Variants in TNFRSF11A observed in about 807,000 individuals in gnomAD.
TNFRSF11A encodes TNF receptor superfamily member 11a.
TNFRSF11A carries 32 observed loss-of-function variants against 55.7 expected under a neutral mutation model. The observed-to-expected ratio is 0.57, with a 90% CI of 0.43 to 0.77. The LOEUF (loss-of-function observed/expected upper bound fraction) is 0.77. Among genes scored for constraint, TNFRSF11A ranks in the 30% least tolerant of loss-of-function variants. The pLI is 0.00. For missense variants in TNFRSF11A, 753 were observed against 809.8 expected (o/e 0.93, Z 0.85); for synonymous variants, 311 against 331.0 (o/e 0.94, Z 0.65).
intron 9 of TNFRSF11A, among the ~76,000 whole-genome samples, chr18:62,378,487 G>A (rs1911048099): frequency 6.6e-6 from 1 of 152,186 alleles, no homozygotes; most frequent in Admixed American, 6.5e-5. Flanking sequence ...AGACAGGGAT[G>A]GAAAGATAAT....
chr18:62,357,511 T>C (rs1264094994), intron 4 of TNFRSF11A, among the ~76,000 whole-genome samples: 1 of 152,262 alleles, frequency 6.6e-6, no homozygotes. Context: ...AAAGTTTTAT[T>C]GGAACACACC....
intron 9 of TNFRSF11A, among the ~76,000 whole-genome samples, chr18:62,376,428 C>G (rs1472723033): frequency 6.6e-6 from 1 of 151,996 alleles, no homozygotes; most frequent in Non-Finnish European, 1.5e-5. Flanking sequence ...CTAACAATGC[C>G]TATAAAAAAC....
At chr18:62,378,573 A>G (rs972473664) in intron 9 of TNFRSF11A, among the ~76,000 whole-genome samples, 3 of 152,170 alleles carry the variant, frequency 2.0e-5, no homozygotes, top group African/African-American at 4.8e-5. Context: ...TTCTGGGAGG[A>G]GGAATGCCAC....
intron 4 of TNFRSF11A, among the ~76,000 whole-genome samples, chr18:62,356,344 A>C (rs1311584487): frequency 6.6e-6 from 1 of 152,214 alleles, no homozygotes; most frequent in Non-Finnish European, 1.5e-5. Context: ...TTTCTCTTAC[A>C]AAAAGTCTGA....
In TNFRSF11A at chr18:62,375,077, G is replaced by A. The variant is rs1055804154; in HGVS notation, c.1567+5593G>A. ...GTACCACCACACCCTGCTAATTTTT[G>A]TGTGTGTGTTTTTTTTTTTTTAGAG... On this transcript the variant is annotated intron_variant, in intron 9 of 9. Transcript: ENST00000586569. Among the ~76,000 whole-genome samples, 13 of 61,538 alleles carry A rather than the reference G, an allele frequency of 2.1e-4. 1 individual carries two copies. Among genetic ancestry groups the A allele is most frequent in the African/African-American group, 6.0e-4 (13 of 21,720 alleles). 40.4% of individuals were successfully genotyped at this position (61,538 alleles called of 152,430 possible). A position where few individuals can be genotyped will look rare whatever the true frequency, so the allele number is the denominator to read the frequency against.
intron 3 of TNFRSF11A, among the ~76,000 whole-genome samples, chr18:62,353,357 C>T (rs747170354): frequency 6.6e-6 from 1 of 152,198 alleles, no homozygotes. Flanking sequence ...CTCTGTAAGG[C>T]ACACCACAGT....
Position 62,383,241 on chromosome 18 carries a change from C to G in TNFRSF11A, c.1568-1510C>G, listed in dbSNP as rs1911423186. ...CAGGACTTTGGATTTGTTGCTCATACTTGAAATCCTTGTGTCTTCATGGGC... is the reference window on the plus strand; with the variant it reads ...CAGGACTTTGGATTTGTTGCTCATAGTTGAAATCCTTGTGTCTTCATGGGC... On this transcript the variant is annotated intron_variant, in intron 9 of 9. Transcript: ENST00000586569. This position sits in a 1 kb window ranked among gnomAD's most constrained non-coding sequence, Gnocchi z 4.2. Among the ~76,000 whole-genome samples the G allele has an allele frequency of 6.6e-6, 1 of 152,198 alleles. No homozygotes were observed. Among genetic ancestry groups the G allele is most frequent in the Non-Finnish European group, 1.5e-5 (1 of 68,036 alleles).
rs770138118 is a variant in TNFRSF11A, at chr18:62,369,017, G to A, written c.1100G>A (p.Gly367Glu). 7.4e-6 allele frequency: 12 copies of A among 1,614,106 alleles called. No individual in the cohort carries two copies. Among genetic ancestry groups the A allele is most frequent in the East Asian group, 4.5e-5 (2 of 44,904 alleles). ...TDQLLFLTEP[G>E]SKSTPPFSEP... is the part of the protein sequence containing the mutation. ...CAGTTACTGTTCCTCACTGAGCCTG[G>A]AAGCAAATCCACACCTCCTTTCTCT... Residue 367 changes from glycine to glutamate, a missense_variant, in exon 9 of 10, where the codon GGA (glycine) becomes GAA (glutamate). By Grantham distance (98) the Gly-to-Glu change is moderately conservative (BLOSUM62 -2). Coordinates refer to ENST00000586569, the MANE Select transcript of TNFRSF11A (RefSeq NM_003839.4).
intron 8 of TNFRSF11A, 146 bp from the exon 9 acceptor site, chr18:62,368,554 TA>T: frequency 2.4e-6 from 2 of 821,954 alleles, no homozygotes; most frequent in Non-Finnish European, 4.0e-6. Context: ...TAATTTGAAA[TA>T]ACACAAAGTT....
chr18:62,329,477 A>T (rs1394085745), intron 1 of TNFRSF11A, among the ~76,000 whole-genome samples: 1 of 152,036 alleles, frequency 6.6e-6, no homozygotes, highest in African/African-American at 2.4e-5. Flanking sequence ...CTCTGCCCGG[A>T]TTGTGGGACG....
chr18:62,359,255 T>A (rs1441226632), intron 5 of TNFRSF11A, among the ~76,000 whole-genome samples: 2 of 152,126 alleles, frequency 1.3e-5, no homozygotes, highest in Non-Finnish European at 1.5e-5. Flanking sequence ...TTAAAATACA[T>A]AAATAAATGT....
intron 2 of TNFRSF11A, 79 bp downstream of exon 2, chr18:62,348,328 G>T: frequency 7.6e-7 from 1 of 1,322,348 alleles, no homozygotes; most frequent in South Asian, 1.2e-5. Context: ...TCTGCCAGAT[G>T]AAAAAAAGAA....
In TNFRSF11A at chr18:62,384,738, C is replaced by T; in HGVS notation, c.1568-13C>T. 1 of 1,610,420 alleles carries T rather than the reference C, an allele frequency of 6.2e-7. No homozygotes were observed. The highest frequency in any genetic ancestry group is 8.5e-7 in the Non-Finnish European group (1 of 1,178,338). On this transcript the variant is annotated splice_polypyrimidine_tract_variant and intron_variant, in intron 9 of 9. Transcript: ENST00000586569. ...ACTCACCCTCCCCGTGTTCTCCCTT[C>T]CTCTCCCCGCAGGAAATGTGACTGG...
At chr18:62,333,338 T>C (rs1310805679) in intron 1 of TNFRSF11A, among the ~76,000 whole-genome samples, 1 of 152,096 alleles carries the variant, frequency 6.6e-6, no homozygotes, top group Non-Finnish European at 1.5e-5. Context: ...ACTCTGGGGG[T>C]GGGGGCCAGC....
At chr18:62,343,408 A>G (rs2046341014) in intron 1 of TNFRSF11A, among the ~76,000 whole-genome samples, 2 of 152,186 alleles carry the variant, frequency 1.3e-5, no homozygotes, top group African/African-American at 4.8e-5. Context: ...GGTTAACAGC[A>G]TGGAAAATAA....
rs1215172948 is a variant in TNFRSF11A at position 62,368,873 on chromosome 18, C to T, written c.956C>T (p.Ala319Val). 1 of 1,614,208 alleles carries T rather than the reference C, an allele frequency of 6.2e-7. No individual in the cohort carries two copies. The highest frequency in any genetic ancestry group is 1.3e-5 in the African/African-American group (1 of 75,048). Residue 319 changes from alanine to valine, a missense_variant, in exon 9 of 10, where the codon GCA (alanine) becomes GTA (valine). Coordinates refer to ENST00000586569, the MANE Select transcript of TNFRSF11A (RefSeq NM_003839.4). Reference protein sequence around the residue: ...QGTCVGGGPYAQGEDARMLSL... With the variant: ...QGTCVGGGPYVQGEDARMLSL... ...ACATGTGTAGGAGGTGGTCCCTACG[C>T]ACAAGGCGAAGATGCCAGGATGCTC...
Position 62,383,362 on chromosome 18 carries a change from T to C in TNFRSF11A, c.1568-1389T>C, listed in dbSNP as rs371732730. On this transcript the variant is annotated intron_variant, in intron 9 of 9. Coordinates refer to ENST00000586569, the MANE Select transcript of TNFRSF11A (RefSeq NM_003839.4). The surrounding 1 kb of genome is among the most constrained non-coding windows in gnomAD (Gnocchi z 4.2). ...ATTTCCTACATGCGTATCGGTATTT[T>C]AGTCAGGCCATCCAAAACATGCCTT... Among the ~76,000 whole-genome samples the C allele has an allele frequency of 2.0e-5, 3 of 152,232 alleles. No homozygotes were observed. Among genetic ancestry groups the C allele is most frequent in the African/African-American group, 7.2e-5 (3 of 41,460 alleles).
At position 62,345,764 on chromosome 18, in the gene TNFRSF11A, G is replaced by A. The variant is rs79245207; in HGVS notation, c.76-2404G>A. ...TTGGGCAGGGGTGGGAGGGCAAGAG[G>A]CACATTCAGGTGAAAAGTCATAGTG... On this transcript the variant is annotated intron_variant, in intron 1 of 9. Coordinates refer to ENST00000586569, the MANE Select transcript of TNFRSF11A (RefSeq NM_003839.4). Among the ~76,000 whole-genome samples the A allele has an allele frequency of 7.2e-3, 1,092 of 152,300 alleles. 7 individuals carry two copies. The highest frequency in any genetic ancestry group is 0.011 in the Non-Finnish European group (761 of 68,024).
intron 1 of TNFRSF11A, among the ~76,000 whole-genome samples, chr18:62,346,991 A>G (rs1052288179): frequency 5.3e-5 from 8 of 151,844 alleles, no homozygotes; most frequent in Non-Finnish European, 1.5e-5. Flanking sequence ...ACTTCCTCCC[A>G]CTACCTCCAC....
Sources: allele counts gnomAD v4.1 joint callset (sites outside exome capture counted in the v4.1 genomes callset), GRCh38; gene constraint gnomAD v4.1.1; non-coding constraint Gnocchi (gnomAD v3.1); transcripts MANE v1.5; gene names NCBI Gene and HGNC (gene_info 2026-07-23, HGNC 2026-07-21).